NTRK3: variants seen among roughly 807,000 people sequenced by gnomAD.
NTRK3 encodes the protein neurotrophic receptor tyrosine kinase 3.
A neutral mutation model predicts 91.7 loss-of-function variants in NTRK3; 24 were observed. The ratio of observed to expected loss-of-function variants is 0.26; its 90% CI spans 0.19 to 0.37. The LOEUF (loss-of-function observed/expected upper bound fraction) is 0.37, where lower values mean the gene tolerates loss of function less well. Ranked by LOEUF, NTRK3 falls within the 10% of genes least tolerant of loss-of-function variation. The pLI, the probability that NTRK3 is intolerant of heterozygous loss-of-function variation, is 1.00. For synonymous variants in NTRK3, 483 were observed against 404.0 expected (o/e 1.20, Z -2.34); for missense variants, 880 against 1,068.9 (o/e 0.82, Z 2.46).
intron 13 of NTRK3, among the ~76,000 whole-genome samples, chr15:88,124,161 T>G (rs534911743): frequency 1.7e-4 from 26 of 152,206 alleles, no homozygotes; most frequent in Non-Finnish European, 3.4e-4. Flanking sequence ...CTAAACAAGG[T>G]GAGTCTTAGA....
At chr15:88,066,017 G>A (rs545398176) in intron 13 of NTRK3, among the ~76,000 whole-genome samples, 5 of 152,308 alleles carry the variant, frequency 3.3e-5, no homozygotes, top group East Asian at 1.9e-4. Flanking sequence ...TTTAGAGAAC[G>A]CCATAGTAAC....
intron 3 of NTRK3, among the ~76,000 whole-genome samples, chr15:88,244,061 T>A (rs938403875): frequency 1.3e-5 from 2 of 152,220 alleles, no homozygotes; most frequent in Non-Finnish European, 2.9e-5. Flanking sequence ...ATACACTTGC[T>A]GTTCTCCATG....
intron 14 of NTRK3, among the ~76,000 whole-genome samples, chr15:88,004,877 G>C (rs984757322): frequency 6.6e-6 from 1 of 152,190 alleles, no homozygotes; most frequent in African/African-American, 2.4e-5. Context: ...CTCTTGATCT[G>C]TGGCAGCAGA....
rs368708129 is a variant in NTRK3 at position 88,032,947 on chromosome 15, C to T, written c.1495G>A (p.Asp499Asn). ...CGAGTCATGCCAATGACCACAGTGT[C>T]GGGCCCGGCATCCAGTGACGAGGGC... Residue 499 changes from aspartate to asparagine, a missense_variant, in exon 14 of 19, where the codon GAC becomes AAC. This residue lies in a region of NTRK3 where 743 missense variants were observed against 868.6 expected (regional missense o/e 0.86). Transcript: ENST00000394480. 3.8e-5 allele frequency: 61 copies of T among 1,613,346 alleles called. No homozygotes were observed. The East Asian group carries it at 3.8e-4, about 10-fold the overall frequency.
At chr15:88,147,166 A>C (rs1424674748) in intron 6 of NTRK3, among the ~76,000 whole-genome samples, 169 bp downstream of exon 6, 2 of 152,162 alleles carry the variant, frequency 1.3e-5, no homozygotes. Flanking sequence ...GTCAAGCAAA[A>C]GGGTTAATTG....
intron 13 of NTRK3, among the ~76,000 whole-genome samples, chr15:88,085,857 A>G (rs769724989): frequency 2.6e-5 from 4 of 152,206 alleles, no homozygotes; most frequent in African/African-American, 7.2e-5. Context: ...ATGCTGGCCA[A>G]TAGGGATACA....
At chr15:88,128,289 C>T (rs897857426) in intron 11 of NTRK3, among the ~76,000 whole-genome samples, 6 of 152,148 alleles carry the variant, frequency 3.9e-5, no homozygotes, top group Non-Finnish European at 7.3e-5. Context: ...TCTCATGAGG[C>T]GAGTCCTGGC....
chr15:88,231,295 A>G (rs1264307987), intron 3 of NTRK3, among the ~76,000 whole-genome samples: 1 of 152,122 alleles, frequency 6.6e-6, no homozygotes, highest in African/African-American at 2.4e-5. Flanking sequence ...GCTTTGAAAT[A>G]TATTTCCTCT....
intron 14 of NTRK3, among the ~76,000 whole-genome samples, chr15:88,021,221 C>G (rs117314081): frequency 6.6e-6 from 1 of 152,212 alleles, no homozygotes; most frequent in Admixed American, 6.5e-5. Context: ...GCTATTCCCA[C>G]GGAATGCAGC....
At chr15:87,889,278 C>T (rs925222454) in intron 17 of NTRK3, among the ~76,000 whole-genome samples, 6 of 152,078 alleles carry the variant, frequency 3.9e-5, no homozygotes, top group South Asian at 2.1e-4. Context: ...ATATAGATTC[C>T]TAGGCTTGAC....
intron 3 of NTRK3, among the ~76,000 whole-genome samples, chr15:88,250,409 C>A (rs570066609): frequency 6.6e-6 from 1 of 152,318 alleles, no homozygotes; most frequent in East Asian, 1.9e-4. Flanking sequence ...ATAAACTCAA[C>A]AATTGTAAAC....
chr15:88,009,938 A>G (rs1367282002), intron 14 of NTRK3, among the ~76,000 whole-genome samples: 1 of 152,204 alleles, frequency 6.6e-6, no homozygotes, highest in Admixed American at 6.5e-5. Context: ...CCTCAGATCC[A>G]CCAAACTTAT....
chr15:87,944,876 CCA>C, intron 14 of NTRK3, among the ~76,000 whole-genome samples: 1 of 152,356 alleles, frequency 6.6e-6, no homozygotes, highest in South Asian at 2.1e-4. Flanking sequence ...CTTCTGACGT[CCA>C]CGCGTCTATT....
At chr15:88,011,154 C>T (rs2076851519) in intron 14 of NTRK3, among the ~76,000 whole-genome samples, 1 of 152,194 alleles carries the variant, frequency 6.6e-6, no homozygotes, top group South Asian at 2.1e-4. Context: ...CCCACCCACA[C>T]ACCTTCCACC....
chr15:88,044,252 T>A (rs2079928551), intron 13 of NTRK3, among the ~76,000 whole-genome samples: 1 of 135,748 alleles, frequency 7.4e-6, no homozygotes, highest in African/African-American at 2.6e-5. Flanking sequence ...CAAGTCTATG[T>A]TCTTTTTTTT....
At chr15:88,094,185 G>A (rs943381134) in intron 13 of NTRK3, among the ~76,000 whole-genome samples, 27 of 152,126 alleles carry the variant, frequency 1.8e-4, no homozygotes, top group African/African-American at 6.0e-4. Flanking sequence ...AAAAGAAGTC[G>A]GCCGGGCGCG....
At chr15:88,128,348 G>C (rs147809239) in intron 11 of NTRK3, among the ~76,000 whole-genome samples, 10 of 152,270 alleles carry the variant, frequency 6.6e-5, no homozygotes, top group Non-Finnish European at 1.3e-4. Context: ...CAGGTTTATA[G>C]GTTCCATATT....
intron 13 of NTRK3, among the ~76,000 whole-genome samples, chr15:88,112,303 G>A (rs1182622618): frequency 6.6e-6 from 1 of 152,160 alleles, no homozygotes; most frequent in Non-Finnish European, 1.5e-5. Flanking sequence ...AGGCAAACTG[G>A]GCTGTCTATA....
intron 3 of NTRK3, among the ~76,000 whole-genome samples, chr15:88,190,775 T>C (rs2047321519): frequency 1.3e-5 from 2 of 152,170 alleles, no homozygotes; most frequent in Non-Finnish European, 2.9e-5. Context: ...AGCCATCAGA[T>C]TTTCCATAGC....
Sources: gnomAD v4.1 joint callset for allele counts (sites outside exome capture counted in the v4.1 genomes callset) on GRCh38, gnomAD v4.1.1 for gene constraint, gnomAD v4.1.1 regional missense constraint, MANE v1.5 for transcripts, NCBI Gene and HGNC (gene_info 2026-07-23, HGNC 2026-07-21) for gene names.